The following EPN1 variants were observed in gnomAD, a reference collection of about 807,000 sequenced individuals.
EPN1 encodes the protein epsin-1.
EPN1 carries 25 observed loss-of-function variants against 56.9 expected under a neutral mutation model. The ratio of observed to expected loss-of-function variants is 0.44; its 90% CI spans 0.32 to 0.61. The LOEUF is 0.61. EPN1 is among the 20% of genes least tolerant of loss of function. EPN1 has a pLI of 0.05. For missense variants in EPN1, 785 were observed against 823.7 expected (o/e 0.95, Z 0.58); for synonymous variants, 411 against 361.8 (o/e 1.14, Z -1.54).
rs1987050986 is a variant in EPN1, at chr19:55,699,661, A to ACTAT, written c.*4308_*4311dup. On this transcript the variant is annotated 3_prime_UTR_variant, in exon 11 of 11. Transcript: ENST00000270460. ...AGTGTCCCTTGAGCCTAAAATATTTACTATCTGGCTCTTCAACAAAAAGTG... is the reference window on the plus strand; with the variant it reads ...AGTGTCCCTTGAGCCTAAAATATTTACTATCTATCTGGCTCTTCAACAAAAAGTG... 1 of 152,216 alleles carries ACTAT rather than the reference A, an allele frequency of 6.6e-6. No homozygotes were observed. Among genetic ancestry groups the ACTAT allele is most frequent in the Non-Finnish European group, 1.5e-5 (1 of 68,044 alleles). The allele number at this position is 152,216 out of a possible 1,614,324, so 9.4% of individuals were successfully genotyped here.
rs548065250 is a variant in EPN1, at chr19:55,688,900, C to G, written c.509C>G (p.Pro170Arg). 3.2e-6 allele frequency: 5 copies of G among 1,581,492 alleles called. No homozygotes were observed. Among genetic ancestry groups the G allele is most frequent in the Non-Finnish European group, 3.4e-6 (4 of 1,164,478 alleles). The change falls in exon 4 of 11, where the codon CCT (proline) becomes CGT (arginine). Residue 170 changes from proline to arginine, a missense_variant. Physicochemically the swap from Pro to Arg is moderately radical, Grantham distance 103 (BLOSUM62 -2). Coordinates refer to ENST00000270460, the MANE Select transcript of EPN1 (RefSeq NM_001130072.2). ...ASSAAVGSGPPPEAEQAWPQS... is the reference protein window; with the variant it reads ...ASSAAVGSGPRPEAEQAWPQS... ...TCAGCAGCTGTGGGCTCAGGCCCCC[C>G]TCCCGAGGCGGAGCAGGCGTGGCCG...
rs1568587726 is a variant in EPN1, at chr19:55,706,277, C to CTTT, written c.*10923_*10924insTTT. ...TCTTTTCTTCCTTTCTTCTCTTTTT[C>CTTT]TTCTTCTTTTTTTTTTTTTTTTAAA... On this transcript the variant is annotated 3_prime_UTR_variant, in exon 11 of 11. Coordinates refer to ENST00000270460, the MANE Select transcript of EPN1 (RefSeq NM_001130072.2). 12 of 98,530 alleles carry CTTT rather than the reference C, an allele frequency of 1.2e-4. No individual in the cohort carries two copies. The highest frequency in any genetic ancestry group is 5.8e-4 in the Admixed American group (6 of 10,322). The allele number at this position is 98,530 out of a possible 1,614,324, so 6.1% of individuals were successfully genotyped here.
In EPN1 at chr19:55,689,724, A is replaced by G. The variant is rs1277550709; in HGVS notation, c.679-143A>G. The G allele has an allele frequency of 2.5e-6, 2 of 792,330 alleles. No homozygotes were observed. The highest frequency in any genetic ancestry group is 4.2e-6 in the Non-Finnish European group (2 of 474,458). 49.1% of individuals were successfully genotyped at this position (792,330 alleles called of 1,614,324 possible). On this transcript the variant is annotated intron_variant, in intron 5 of 10. Coordinates refer to ENST00000270460, the MANE Select transcript of EPN1 (RefSeq NM_001130072.2). This position sits in a 1 kb window ranked among gnomAD's most constrained non-coding sequence, Gnocchi z 5.7. ...CCTTTGACCCAGGTGCCCCATCCCC[A>G]TTTCATACATTGTCCGCATCCCATC... is the stretch of plus-strand genomic sequence containing the variant.
chr19:55,685,185 C>T (rs1421724992), intron 2 of EPN1, among the ~76,000 whole-genome samples: 3 of 152,252 alleles, frequency 2.0e-5, no homozygotes, highest in Non-Finnish European at 4.4e-5. Context: ...GCAGTACCTC[C>T]GCGGCTGGTC....
chr19:55,706,255 T>C lies in EPN1; in HGVS notation c.*10899T>C, dbSNP rs1475831762. On this transcript the variant is annotated 3_prime_UTR_variant, in exon 11 of 11. Transcript: ENST00000270460. The stretch of plus-strand genomic sequence containing the variant: ...TCTTTCTTCTCCTTTTTCCTCCTCT[T>C]TTCTTCCTTTCTTCTCTTTTTCTTC... 1 of 149,284 alleles carries C rather than the reference T, an allele frequency of 6.7e-6. No individual in the cohort carries two copies. The highest frequency in any genetic ancestry group is 1.4e-5 in the Non-Finnish European group (1 of 69,364). 9.2% of individuals were successfully genotyped at this position (149,284 alleles called of 1,614,324 possible). A position where few individuals can be genotyped will look rare whatever the true frequency, so the allele number is the denominator to read the frequency against.
Position 55,694,953 on chromosome 19 carries a change from G to T in EPN1, c.1492G>T (p.Ala498Ser). The T allele has an allele frequency of 6.4e-7, 1 of 1,558,282 alleles. No individual in the cohort carries two copies. Residue 498 changes from alanine (A) to serine (S), a missense_variant, in exon 10 of 11, where the codon GCC becomes TCC. Physicochemically the swap from Ala to Ser is moderately conservative, Grantham distance 99. Transcript: ENST00000270460. This position sits in a 1 kb window ranked among gnomAD's most constrained non-coding sequence, Gnocchi z 4.2. ...VSRPGPTPPG[A>S]KASNPFLPGG... is the part of the protein sequence containing the mutation. ...CCGGCCGGGCCCCACGCCGCCTGGAGCCAAGGCCTCCAACCCCTTCCTGCC... is the reference window on the plus strand; with the variant it reads ...CCGGCCGGGCCCCACGCCGCCTGGATCCAAGGCCTCCAACCCCTTCCTGCC...
In EPN1 at chr19:55,709,047, G is replaced by C; in HGVS notation, c.*13691G>C. 1 of 1,554,990 alleles carries C rather than the reference G, an allele frequency of 6.4e-7. No homozygotes were observed. Among genetic ancestry groups the C allele is most frequent in the South Asian group, 1.2e-5 (1 of 80,022 alleles). The stretch of plus-strand genomic sequence containing the variant: ...CATCAAAGCCAGATTTGTGCAGCCT[G>C]GGAAAATAGAAATAAAGTTTTTTTT... On this transcript the variant is annotated 3_prime_UTR_variant, in exon 11 of 11. Coordinates refer to ENST00000270460, the MANE Select transcript of EPN1 (RefSeq NM_001130072.2).
chr19:55,681,462 C>T (rs1481728563), intron 2 of EPN1, among the ~76,000 whole-genome samples: 1 of 152,192 alleles, frequency 6.6e-6, no homozygotes, highest in Non-Finnish European at 1.5e-5. Context: ...TCAGTCTTGG[C>T]TTTAAACCAG....
Position 55,695,433 on chromosome 19 carries a change from G to A in EPN1, c.*77G>A, listed in dbSNP as rs987627361. ...TGGGAGATCAGTGTTGTGAGTGCAT[G>A]TGAAATGGGGGATCCCCACCCCCAG... On this transcript the variant is annotated 3_prime_UTR_variant, in exon 11 of 11. Transcript: ENST00000270460. The surrounding 1 kb of genome is among the most constrained non-coding windows in gnomAD (Gnocchi z 4.4). 6.5e-6 allele frequency: 5 copies of A among 768,068 alleles called. No individual in the cohort carries two copies. The highest frequency in any genetic ancestry group is 5.2e-5 in the African/African-American group (3 of 57,378). The allele number at this position is 768,068 out of a possible 1,614,324, so 47.6% of individuals were successfully genotyped here.
rs1390272766 is a variant in EPN1, at chr19:55,695,890, C to T, written c.*534C>T. The T allele has an allele frequency of 6.5e-6, 1 of 154,928 alleles. No homozygotes were observed. The highest frequency in any genetic ancestry group is 1.4e-5 in the Non-Finnish European group (1 of 69,984). 9.6% of individuals were successfully genotyped at this position (154,928 alleles called of 1,614,324 possible). ...AACCAGCCCCTCTGTCTCAGAAGCC[C>T]TGATTTCCCTGACCCTCCCAGGTCA... On this transcript the variant is annotated 3_prime_UTR_variant, in exon 11 of 11. Transcript: ENST00000270460. The surrounding 1 kb of genome is among the most constrained non-coding windows in gnomAD (Gnocchi z 4.4).
rs1461119367 is a variant in EPN1, at chr19:55,691,360, G to A, written c.763-394G>A. Among the ~76,000 whole-genome samples, 1 of 152,084 alleles carries A rather than the reference G, an allele frequency of 6.6e-6. No homozygotes were observed. Among genetic ancestry groups the A allele is most frequent in the Non-Finnish European group, 1.5e-5 (1 of 67,998 alleles). On this transcript the variant is annotated intron_variant, in intron 6 of 10. Coordinates refer to ENST00000270460, the MANE Select transcript of EPN1 (RefSeq NM_001130072.2). This position sits in a 1 kb window ranked among gnomAD's most constrained non-coding sequence, Gnocchi z 5.6. Reference sequence around the variant, plus strand: ...AGTCTGGCTGGAGAAGGCACGGTGGGCAGAGGGAGGATCGAGCTGCTTCGG... The same window carrying A: ...AGTCTGGCTGGAGAAGGCACGGTGGACAGAGGGAGGATCGAGCTGCTTCGG...
rs777579245 is a variant in EPN1 at position 55,689,040 on chromosome 19, C to A, written c.603+46C>A. ...GCTGTCTGTCCGCCACCCGCCTCCA[C>A]GCCTCACTTCAGGCTCCCTCCCAGC... On this transcript the variant is annotated intron_variant, in intron 4 of 10. Transcript: ENST00000270460. This position sits in a 1 kb window ranked among gnomAD's most constrained non-coding sequence, Gnocchi z 5.7. The A allele has an allele frequency of 1.9e-6, 3 of 1,541,070 alleles. No individual in the cohort carries two copies. The highest frequency in any genetic ancestry group is 2.3e-5 in the East Asian group (1 of 43,222).
intron 2 of EPN1, 145 bp from the exon 3 acceptor site, chr19:55,685,250 TG>T: frequency 1.0e-6 from 1 of 994,614 alleles, no homozygotes; most frequent in Non-Finnish European, 1.5e-6. Context: ...TCGTATTCTG[TG>T]GGGACAGATG....
Position 55,691,973 on chromosome 19 carries a change from G to T in EPN1, c.982G>T (p.Gly328Ter). ...GDPWRPAAPA[G>*]PSVDPWGGTP... ...CCCCTGGAGGCCTGCTGCCCCTGCA[G>T]GACCCTCAGTTGACCCTTGGGGTGG... is the stretch of plus-strand genomic sequence containing the variant. Residue 328 changes from glycine to a stop codon, truncating the protein, a stop_gained, in exon 7 of 11, where the codon GGA (glycine) becomes TGA (stop). Coordinates refer to ENST00000270460, the MANE Select transcript of EPN1 (RefSeq NM_001130072.2). LOFTEE classifies it high-confidence loss of function. The surrounding 1 kb of genome is among the most constrained non-coding windows in gnomAD (Gnocchi z 5.6). The T allele has an allele frequency of 6.6e-7, 1 of 1,509,482 alleles. No homozygotes were observed. The highest frequency in any genetic ancestry group is 2.3e-5 in the East Asian group (1 of 42,818). The allele number at this position is 1,509,482 out of a possible 1,614,324, so 93.5% of individuals were successfully genotyped here. A position where few individuals can be genotyped will look rare whatever the true frequency, so the allele number is the denominator to read the frequency against.
intron 3 of EPN1, among the ~76,000 whole-genome samples, chr19:55,686,454 C>T (rs1444856225): frequency 2.0e-5 from 3 of 152,008 alleles, no homozygotes; most frequent in South Asian, 2.1e-4. Flanking sequence ...TAGAGCACTG[C>T]CCTGGAGGTG....
rs536657162 is a variant in EPN1, at chr19:55,699,063, ATTT to A, written c.*3712_*3714del. On this transcript the variant is annotated 3_prime_UTR_variant, in exon 11 of 11. Transcript: ENST00000270460. ...CGGCCCCCACCCCATTTCATTTTTT[ATTT>A]TTTTATTATACTTTAAGTTCTAGGG... 2 of 152,018 alleles carry A rather than the reference ATTT, an allele frequency of 1.3e-5. No homozygotes were observed. The highest frequency in any genetic ancestry group is 4.8e-5 in the African/African-American group (2 of 41,452). The allele number at this position is 152,018 out of a possible 1,614,324, so 9.4% of individuals were successfully genotyped here.
At chr19:55,692,650 G>T in intron 7 of EPN1, 36 bp from the exon 8 acceptor site, 1 of 1,386,630 alleles carries the variant, frequency 7.2e-7, no homozygotes, top group Non-Finnish European at 9.7e-7. Flanking sequence ...GGCAGTCAAG[G>T]TTGCCAGCCC....
chr19:55,692,880 C>G (rs939448594), intron 8 of EPN1, 71 bp from the exon 9 acceptor site: 1 of 1,593,844 alleles, frequency 6.3e-7, no homozygotes, highest in Non-Finnish European at 8.6e-7. Context: ...GAGGGGTGGA[C>G]GCCTGGACTG....
At chr19:55,685,079 A>G (rs760835472) in intron 2 of EPN1, among the ~76,000 whole-genome samples, 18 of 152,104 alleles carry the variant, frequency 1.2e-4, no homozygotes, top group Non-Finnish European at 2.2e-4. Context: ...GCAACCCACA[A>G]TCCACTCCGT....
Sources: gnomAD v4.1 joint callset for allele counts (sites outside exome capture counted in the v4.1 genomes callset) on GRCh38, gnomAD v4.1.1 for gene constraint, Gnocchi (gnomAD v3.1) non-coding constraint, MANE v1.5 for transcripts, NCBI Gene and HGNC (gene_info 2026-07-23, HGNC 2026-07-21) for gene names.